The following NFATC2 variants were observed in gnomAD, a reference collection of about 807,000 sequenced individuals.
NFATC2 encodes nuclear factor of activated T cells 2.
Under a neutral mutation model 87.3 loss-of-function variants are expected in NFATC2, and 22 were observed. That is an observed-to-expected ratio of 0.25 (90% confidence interval 0.18 to 0.36). The LOEUF (loss-of-function observed/expected upper bound fraction) is 0.36. NFATC2 is among the 10% of genes least tolerant of loss of function. The pLI, the probability that NFATC2 is intolerant of heterozygous loss-of-function variation, is 1.00. For missense variants in NFATC2, 1,149 were observed against 1,259.1 expected (o/e 0.91, Z 1.32); for synonymous variants, 565 against 542.2 (o/e 1.04, Z -0.58).
In NFATC2 at chr20:51,524,155, C is replaced by T. The variant is rs2076505067; in HGVS notation, c.131-45G>A. 7.1e-7 allele frequency: 1 copy of T among 1,417,238 alleles called. No individual in the cohort carries two copies. Among genetic ancestry groups the T allele is most frequent in the South Asian group, 1.8e-5 (1 of 56,962 alleles). The allele number at this position is 1,417,238 out of a possible 1,614,324, so 87.8% of individuals were successfully genotyped here. On this transcript the variant is annotated intron_variant, in intron 1 of 10. Coordinates refer to ENST00000371564, the MANE Select transcript of NFATC2 (RefSeq NM_012340.5). This position sits in a 1 kb window ranked among gnomAD's most constrained non-coding sequence, Gnocchi z 4.0. Reference sequence around the variant, plus strand: ...GGGGGTTCTTTTTAAGCCTCAAAAACAGAACTCCCGGTGCAGAGCAATCAC... The same window carrying T: ...GGGGGTTCTTTTTAAGCCTCAAAAATAGAACTCCCGGTGCAGAGCAATCAC...
intron 6 of NFATC2, among the ~76,000 whole-genome samples, chr20:51,442,780 C>T (rs377655313): frequency 4.0e-5 from 6 of 151,766 alleles, no homozygotes; most frequent in East Asian, 1.9e-4. Flanking sequence ...GGGAGCCCTC[C>T]GGGGCCACAG....
chr20:51,430,907 G>A (rs570432551), intron 9 of NFATC2, among the ~76,000 whole-genome samples: 2 of 152,232 alleles, frequency 1.3e-5, no homozygotes, highest in South Asian at 2.1e-4. Context: ...TATATCAGAC[G>A]CTACTGCCTA....
At chr20:51,473,876 C>G (rs1271772117) in intron 5 of NFATC2, 104 bp downstream of exon 5, 11 of 1,283,334 alleles carry the variant, frequency 8.6e-6, no homozygotes, top group African/African-American at 1.5e-5. Flanking sequence ...CCACACATTC[C>G]CGCAGGCCAC....
intron 1 of NFATC2, among the ~76,000 whole-genome samples, chr20:51,555,653 C>T (rs1008233853): frequency 6.6e-6 from 1 of 152,140 alleles, no homozygotes; most frequent in African/African-American, 2.4e-5. Context: ...TCATGCTCCC[C>T]CTGCCCCTTC....
At chr20:51,395,754 A>ACT (rs1491578805) in intron 10 of NFATC2, among the ~76,000 whole-genome samples, 11 of 152,238 alleles carry the variant, frequency 7.2e-5, no homozygotes, top group Admixed American at 2.0e-4. Flanking sequence ...ATTTATATAT[A>ACT]AAGAGGTGTT....
At chr20:51,445,898 G>A (rs1984998237) in intron 6 of NFATC2, among the ~76,000 whole-genome samples, 2 of 152,206 alleles carry the variant, frequency 1.3e-5, no homozygotes, top group African/African-American at 4.8e-5. Flanking sequence ...ATCTTACACA[G>A]AGGTCGGATT....
intron 3 of NFATC2, among the ~76,000 whole-genome samples, chr20:51,492,561 C>CGG (rs1419685872): frequency 3.9e-5 from 6 of 152,366 alleles, no homozygotes; most frequent in African/African-American, 1.4e-4. Flanking sequence ...TTCCCTTTTC[C>CGG]GGCCGAGGAA....
rs1186548474 is a variant in NFATC2, at chr20:51,507,313, T to C, written c.1332+9471A>G. 2.0e-5 allele frequency among the ~76,000 whole-genome samples: 3 copies of C among 152,212 alleles called. No homozygotes were observed. In the East Asian group the frequency reaches 5.8e-4, roughly 29 times the overall value. The stretch of plus-strand genomic sequence containing the variant: ...TGGTTGCAAGGATGAGCTAAGATCA[T>C]GTCTGTAACAAACAGCGTGTAAATA... On this transcript the variant is annotated intron_variant, in intron 3 of 10. Transcript: ENST00000371564.
At chr20:51,435,463 T>G in intron 7 of NFATC2, 149 bp from the exon 8 acceptor site, 1 of 1,245,280 alleles carries the variant, frequency 8.0e-7, no homozygotes, top group Non-Finnish European at 1.1e-6. Context: ...CAGGGGAATT[T>G]AACTTGTCAG....
At chr20:51,467,604 T>C (rs773233438) in intron 5 of NFATC2, among the ~76,000 whole-genome samples, 5 of 152,096 alleles carry the variant, frequency 3.3e-5, no homozygotes, top group Non-Finnish European at 5.9e-5. Context: ...AACAAGCACC[T>C]GAATCATTAG....
intron 1 of NFATC2, among the ~76,000 whole-genome samples, chr20:51,549,748 A>G (rs1269524333): frequency 6.6e-6 from 1 of 152,248 alleles, no homozygotes; most frequent in East Asian, 1.9e-4. Flanking sequence ...TTGTTTAACA[A>G]GGAAAACCAA....
intron 9 of NFATC2, among the ~76,000 whole-genome samples, chr20:51,400,869 T>G (rs578108199): frequency 6.6e-6 from 1 of 152,046 alleles, no homozygotes; most frequent in East Asian, 1.9e-4. Context: ...AGAGACCAGA[T>G]GTGGCCCCAG....
intron 9 of NFATC2, among the ~76,000 whole-genome samples, chr20:51,422,095 C>G (rs1727411745): frequency 6.6e-6 from 1 of 152,162 alleles, no homozygotes. Flanking sequence ...TTCAGCTTTC[C>G]TGGGATAGTG....
chr20:51,520,198 G>T (rs570903239), intron 2 of NFATC2, among the ~76,000 whole-genome samples: 1 of 152,178 alleles, frequency 6.6e-6, no homozygotes, highest in African/African-American at 2.4e-5. Flanking sequence ...CAAAGTGTCC[G>T]ATAAATGTAT....
intron 5 of NFATC2, 81 bp downstream of exon 5, chr20:51,473,899 G>T: frequency 1.3e-6 from 2 of 1,486,790 alleles, no homozygotes; most frequent in Non-Finnish European, 1.8e-6. Context: ...CGGGTACCTC[G>T]CCCAGAATAC....
At chr20:51,417,722 T>A (rs1316412927) in intron 9 of NFATC2, among the ~76,000 whole-genome samples, 2 of 152,252 alleles carry the variant, frequency 1.3e-5, no homozygotes, top group African/African-American at 2.4e-5. Flanking sequence ...CCCATCCATT[T>A]GGTTCACTTC....
chr20:51,417,082 C>T (rs750578443), intron 9 of NFATC2, among the ~76,000 whole-genome samples: 9 of 152,192 alleles, frequency 5.9e-5, no homozygotes, highest in Non-Finnish European at 2.9e-5. Context: ...TTCTCACACA[C>T]GTGCCTCTAA....
At chr20:51,515,373 A>G (rs866800126) in intron 3 of NFATC2, among the ~76,000 whole-genome samples, 1 of 152,230 alleles carries the variant, frequency 6.6e-6, no homozygotes, top group Non-Finnish European at 1.5e-5. Context: ...GAACAGGCAC[A>G]TGCCTCAGAG....
rs564748319 is a variant in NFATC2 at position 51,456,713 on chromosome 20, T to C, written c.1709-2025A>G. 4.6e-5 allele frequency among the ~76,000 whole-genome samples: 7 copies of C among 152,324 alleles called. No individual in the cohort carries two copies. The South Asian group carries it at 1.5e-3, about 32-fold the overall frequency. ...CTGGGCAGAGGGCCAGCCCCTTCCATGGCAGGAGCCTACGGACCTCCCCAT... is the reference window on the plus strand; with the variant it reads ...CTGGGCAGAGGGCCAGCCCCTTCCACGGCAGGAGCCTACGGACCTCCCCAT... On this transcript the variant is annotated intron_variant, in intron 5 of 10. Transcript: ENST00000371564.
Sources: gnomAD v4.1 joint callset for allele counts (sites outside exome capture counted in the v4.1 genomes callset) on GRCh38, gnomAD v4.1.1 for gene constraint, Gnocchi (gnomAD v3.1) non-coding constraint, MANE v1.5 for transcripts, NCBI Gene and HGNC (gene_info 2026-07-23, HGNC 2026-07-21) for gene names.